TMEM87A: variants seen among roughly 807,000 people sequenced by gnomAD.
TMEM87A encodes the protein Golgi-pH regulating cation channel.
TMEM87A carries 50 observed loss-of-function variants against 90.0 expected under a neutral mutation model. The observed-to-expected ratio is 0.56, with a 90% CI of 0.44 to 0.70. TMEM87A has a LOEUF of 0.70. TMEM87A is among the 30% of genes least tolerant of loss of function. The probability of loss-of-function intolerance (pLI) is 0.00; values close to 1 mark genes in which losing one functional copy is unlikely to be tolerated. For missense variants in TMEM87A, 577 were observed against 660.5 expected (o/e 0.87, Z 1.39); for synonymous variants, 226 against 226.7 (o/e 1.00, Z 0.03).
At chr15:42,213,946 T>C (rs2050338024) in intron 19 of TMEM87A, among the ~76,000 whole-genome samples, 1 of 152,082 alleles carries the variant, frequency 6.6e-6, no homozygotes, top group South Asian at 2.1e-4. Flanking sequence ...GCAAAACAAC[T>C]ATCATGAAGA....
intron 6 of TMEM87A, among the ~76,000 whole-genome samples, chr15:42,250,950 T>G (rs1227566957): frequency 6.6e-6 from 1 of 152,202 alleles, no homozygotes; most frequent in Non-Finnish European, 1.5e-5. Flanking sequence ...TTTACTCTTT[T>G]TTTCTCTAAA....
intron 4 of TMEM87A, 111 bp from the exon 5 acceptor site, chr15:42,261,360 A>C: frequency 1.3e-6 from 1 of 774,026 alleles, no homozygotes; most frequent in South Asian, 2.2e-5. Flanking sequence ...CTAACTAGTA[A>C]ATATAATAAC....
At position 42,228,634 on chromosome 15, in the gene TMEM87A, AC is replaced by A. The variant is rs1236730892; in HGVS notation, c.1240+77del. 4.0e-5 allele frequency: 49 copies of A among 1,226,178 alleles called. No homozygotes were observed. The East Asian group carries it at 1.2e-3, about 29-fold the overall frequency. 76.0% of individuals were successfully genotyped at this position (1,226,178 alleles called of 1,614,324 possible). On this transcript the variant is annotated intron_variant, in intron 13 of 19. Transcript: ENST00000389834. ...GAAATATACAAAACTTTCTATGTCC[AC>A]CCATGGCCTTTCAGGTTAAGAATGT...
chr15:42,251,280 G>A (rs189544401), intron 6 of TMEM87A, among the ~76,000 whole-genome samples: 16 of 152,244 alleles, frequency 1.1e-4, no homozygotes, highest in African/African-American at 3.4e-4. Context: ...GCTTTGTTCC[G>A]TTGCTCGCGG....
intron 2 of TMEM87A, among the ~76,000 whole-genome samples, chr15:42,269,244 C>T (rs1005861480): frequency 6.6e-6 from 1 of 151,924 alleles, no homozygotes; most frequent in African/African-American, 2.4e-5. Context: ...CTAAAGACTC[C>T]CTACTTTATA....
intron 2 of TMEM87A, among the ~76,000 whole-genome samples, chr15:42,269,985 G>C (rs1364651362): frequency 6.8e-6 from 1 of 147,544 alleles, no homozygotes; most frequent in Non-Finnish European, 1.5e-5. Context: ...CTATTCCATG[G>C]AAAGCTATAT....
chr15:42,243,990 A>G (rs1368085512), intron 7 of TMEM87A, 60 bp downstream of exon 7: 1 of 1,004,262 alleles, frequency 1.0e-6, no homozygotes. Flanking sequence ...AGCATATGTA[A>G]AGTACATGAA....
intron 19 of TMEM87A, among the ~76,000 whole-genome samples, chr15:42,217,126 G>T (rs746208608): frequency 6.6e-6 from 1 of 151,786 alleles, no homozygotes; most frequent in Admixed American, 6.6e-5. Context: ...GCTAATTTTT[G>T]TATGTTTTGT....
chr15:42,238,749 CTT>C (rs374648537), intron 8 of TMEM87A, among the ~76,000 whole-genome samples: 5 of 119,584 alleles, frequency 4.2e-5, no homozygotes, highest in African/African-American at 6.4e-5. Context: ...GTGAGACTCT[CTT>C]TTTTTTTTTT....
rs764065757 is a variant in TMEM87A at position 42,273,270 on chromosome 15, G to A, written c.129C>T (p.His43=). ...TVAAADRSKW[H]IPIPSGKNYF... The stretch of plus-strand genomic sequence containing the variant: ...GAATACTCACCGACGGTATCGGAAT[G>A]TGCCATTTGGACCGGTCGGCAGCAG... Residue 43 remains histidine, a synonymous_variant, in exon 1 of 20, where the codon CAC becomes CAT. Coordinates refer to ENST00000389834, the MANE Select transcript of TMEM87A (RefSeq NM_015497.5). 18 of 1,614,144 alleles carry A rather than the reference G, an allele frequency of 1.1e-5. No individual in the cohort carries two copies. The highest frequency in any genetic ancestry group is 1.6e-4 in the Middle Eastern group (1 of 6,062).
chr15:42,246,354 G>A (rs1192754443), intron 6 of TMEM87A, among the ~76,000 whole-genome samples: 2 of 151,986 alleles, frequency 1.3e-5, no homozygotes, highest in Non-Finnish European at 2.9e-5. Flanking sequence ...GTGCAGGTTT[G>A]TTACATAGGT....
chr15:42,221,482 A>AAT (rs967888427), intron 15 of TMEM87A, among the ~76,000 whole-genome samples: 3 of 152,268 alleles, frequency 2.0e-5, no homozygotes, highest in South Asian at 2.1e-4. Context: ...AATTATCAAA[A>AAT]ATATATATAT....
At position 42,252,480 on chromosome 15, in the gene TMEM87A, C is replaced by T. The variant is rs560468989; in HGVS notation, c.505-8313G>A. ...TGCTTGTAGTTTGAGATTTGTGAGCCTCTCAATCTTTCTGAAATTCATACT... is the reference window on the plus strand; with the variant it reads ...TGCTTGTAGTTTGAGATTTGTGAGCTTCTCAATCTTTCTGAAATTCATACT... On this transcript the variant is annotated intron_variant, in intron 6 of 19. Transcript: ENST00000389834. Among the ~76,000 whole-genome samples, 5 of 152,236 alleles carry T rather than the reference C, an allele frequency of 3.3e-5. No individual in the cohort carries two copies. In the South Asian group the frequency reaches 1.0e-3, roughly 32 times the overall value.
intron 19 of TMEM87A, 73 bp downstream of exon 19, chr15:42,217,730 C>T (rs1595704266): frequency 6.8e-7 from 1 of 1,465,236 alleles, no homozygotes; most frequent in South Asian, 1.2e-5. Flanking sequence ...AGAGAATCTC[C>T]ATGAACAGAC....
chr15:42,252,030 C>A (rs542209486), intron 6 of TMEM87A, among the ~76,000 whole-genome samples: 1 of 152,346 alleles, frequency 6.6e-6, no homozygotes, highest in South Asian at 2.1e-4. Context: ...AGCAAGGCTC[C>A]GTGGGCGTGG....
rs759135539 is a variant in TMEM87A, at chr15:42,211,535, G to C, written c.*173C>G. On this transcript the variant is annotated 3_prime_UTR_variant, in exon 20 of 20. Transcript: ENST00000389834. ...TTCTCATCTTATGAACTTGTTTTCA[G>C]TAAGATGTTCTCTTTGTTCTGACAC... 3 of 605,376 alleles carry C rather than the reference G, an allele frequency of 5.0e-6. No individual in the cohort carries two copies. Among genetic ancestry groups the C allele is most frequent in the Non-Finnish European group, 8.6e-6 (3 of 347,994 alleles). The allele number at this position is 605,376 out of a possible 1,614,324, so 37.5% of individuals were successfully genotyped here.
At chr15:42,213,174 G>T (rs2050323156) in intron 19 of TMEM87A, among the ~76,000 whole-genome samples, 1 of 152,172 alleles carries the variant, frequency 6.6e-6, no homozygotes, top group Non-Finnish European at 1.5e-5. Flanking sequence ...GCTTCTTTTT[G>T]CAGAGGGAAG....
intron 15 of TMEM87A, among the ~76,000 whole-genome samples, chr15:42,225,300 TG>T (rs796086886): frequency 0.051 from 3,201 of 63,004 alleles, 124 homozygotes; most frequent in East Asian, 0.22. Flanking sequence ...TAAATGCAAA[TG>T]GGGGGGGGGG....
At chr15:42,269,121 T>A (rs1245282736) in intron 2 of TMEM87A, among the ~76,000 whole-genome samples, 1 of 152,134 alleles carries the variant, frequency 6.6e-6, no homozygotes, top group East Asian at 1.9e-4. Flanking sequence ...TTCTAATGGA[T>A]CAAGACATTA....
Sources: allele counts gnomAD v4.1 joint callset (sites outside exome capture counted in the v4.1 genomes callset), GRCh38; gene constraint gnomAD v4.1.1; transcripts MANE v1.5; gene names NCBI Gene and HGNC (gene_info 2026-07-23, HGNC 2026-07-21).